Variants in SYCP2 observed in about 807,000 individuals in gnomAD.
SYCP2 encodes the protein synaptonemal complex protein 2.
In SYCP2, 55 loss-of-function variants were observed where a neutral mutation model predicts 211.3. The observed-to-expected ratio is 0.26, with a 90% CI of 0.21 to 0.33. The LOEUF (loss-of-function observed/expected upper bound fraction) is 0.33. Among genes scored for constraint, SYCP2 ranks in the 10% least tolerant of loss-of-function variants. The probability of loss-of-function intolerance (pLI) is 1.00; values close to 1 mark genes in which losing one functional copy is unlikely to be tolerated. For synonymous variants in SYCP2, 570 were observed against 555.2 expected, an observed-to-expected ratio of 1.03 and a Z score of -0.37; for missense variants, 1,731 against 1,752.0, an observed-to-expected ratio of 0.99 and a Z score of 0.21.
intron 32 of SYCP2, among the ~76,000 whole-genome samples, 165 bp downstream of exon 32, chr20:59,877,843 C>G (rs1374744363): frequency 6.6e-6 from 1 of 151,116 alleles, no homozygotes; most frequent in African/African-American, 2.4e-5. Context: ...GAGTCAAAGG[C>G]CAGTATGATT....
At chr20:59,876,411 A>AAAG (rs71183188) in intron 33 of SYCP2, among the ~76,000 whole-genome samples, 2 of 139,586 alleles carry the variant, frequency 1.4e-5, no homozygotes, top group Non-Finnish European at 3.1e-5. Context: ...AAAAAAAAAA[A>AAAG]GAAGAAGTGA....
At chr20:59,879,826 T>TATATAA (rs2059635203) in intron 31 of SYCP2, among the ~76,000 whole-genome samples, 1 of 5,548 alleles carries the variant, frequency 1.8e-4, no homozygotes, top group South Asian at 7.6e-3. Context: ...TAAATAAATA[T>TATATAA]ATATATATAT....
chr20:59,905,689 T>C (rs1191215666), intron 15 of SYCP2, among the ~76,000 whole-genome samples: 2 of 152,150 alleles, frequency 1.3e-5, no homozygotes, highest in South Asian at 2.1e-4. Context: ...TTCATGTGCA[T>C]AGACAAATAT....
At chr20:59,884,256 T>A (rs2059742857) in intron 26 of SYCP2, among the ~76,000 whole-genome samples, 1 of 152,044 alleles carries the variant, frequency 6.6e-6, no homozygotes, top group African/African-American at 2.4e-5. Context: ...CTAAGGTTTA[T>A]GTAAAATCTC....
At chr20:59,872,609 A>G (rs186383644) in intron 35 of SYCP2, among the ~76,000 whole-genome samples, 21 of 151,940 alleles carry the variant, frequency 1.4e-4, no homozygotes, top group East Asian at 1.4e-3. Flanking sequence ...ATTCAGTGCT[A>G]TCCTCCATTT....
chr20:59,866,009 G>A (rs1327743573), intron 41 of SYCP2, 144 bp from the exon 42 acceptor site: 1 of 465,032 alleles, frequency 2.2e-6, no homozygotes, highest in South Asian at 5.6e-5. Flanking sequence ...TAAACAGTAT[G>A]GCTATATGTT....
chr20:59,879,603 T>C (rs2059627001), intron 31 of SYCP2, among the ~76,000 whole-genome samples: 3 of 151,384 alleles, frequency 2.0e-5, no homozygotes, highest in Non-Finnish European at 4.4e-5. Context: ...CCAAAACTTA[T>C]ACCTGAAACT....
chr20:59,895,188 G>A (rs916190183), intron 20 of SYCP2, among the ~76,000 whole-genome samples: 1 of 151,960 alleles, frequency 6.6e-6, no homozygotes, highest in Non-Finnish European at 1.5e-5. Context: ...ATTATGGCAG[G>A]TTCATTTATG....
chr20:59,882,841 A>G (rs1015350114), intron 26 of SYCP2, among the ~76,000 whole-genome samples: 3 of 152,132 alleles, frequency 2.0e-5, no homozygotes, highest in Non-Finnish European at 4.4e-5. Flanking sequence ...AGTGAAATGT[A>G]CACTTAAAAA....
intron 13 of SYCP2, 169 bp from the exon 14 acceptor site, chr20:59,912,014 G>C: frequency 2.3e-6 from 1 of 440,158 alleles, no homozygotes; most frequent in Non-Finnish European, 4.0e-6. Context: ...CAAATGAAAT[G>C]CTACTTTAAT....
At chr20:59,929,255 C>T (rs1336637147) in intron 2 of SYCP2, among the ~76,000 whole-genome samples, 3 of 152,128 alleles carry the variant, frequency 2.0e-5, no homozygotes, top group Middle Eastern at 3.4e-3. Flanking sequence ...ACTGATACTA[C>T]GAAGTCACAG....
chr20:59,919,374 C>G, intron 6 of SYCP2, 119 bp downstream of exon 6: 1 of 784,914 alleles, frequency 1.3e-6, no homozygotes, highest in Non-Finnish European at 2.1e-6. Flanking sequence ...ACAGACCAAT[C>G]CAACCAAGTC....
chr20:59,909,909 G>C lies in SYCP2; in HGVS notation c.972+1841C>G, dbSNP rs963842399. Among the ~76,000 whole-genome samples, 10 of 152,324 alleles carry C rather than the reference G, an allele frequency of 6.6e-5. No individual in the cohort carries two copies. The East Asian group carries it at 1.9e-3, about 29-fold the overall frequency. On this transcript the variant is annotated intron_variant, in intron 14 of 44. Coordinates refer to ENST00000357552, the MANE Select transcript of SYCP2 (RefSeq NM_014258.4). Reference sequence around the variant, plus strand: ...TGAGTAACCTGAGAATACTCTATGAGAAGGCAACATTTGTGCTTAAATCTA... The same window carrying C: ...TGAGTAACCTGAGAATACTCTATGACAAGGCAACATTTGTGCTTAAATCTA...
At chr20:59,924,565 C>T (rs997105314) in intron 2 of SYCP2, among the ~76,000 whole-genome samples, 5 of 151,938 alleles carry the variant, frequency 3.3e-5, no homozygotes, top group African/African-American at 1.2e-4. Flanking sequence ...TGTATCAAAA[C>T]ATCTTACATA....
intron 35 of SYCP2, among the ~76,000 whole-genome samples, chr20:59,871,846 A>C (rs149003349): frequency 1.5e-4 from 23 of 152,166 alleles, no homozygotes; most frequent in African/African-American, 5.5e-4. Context: ...GTACATGTTC[A>C]ATACAGACAC....
intron 35 of SYCP2, among the ~76,000 whole-genome samples, chr20:59,873,571 G>C (rs533164012): frequency 6.6e-6 from 1 of 152,154 alleles, no homozygotes; most frequent in Non-Finnish European, 1.5e-5. Context: ...GTTGACTGTA[G>C]GTAACTGAAA....
intron 14 of SYCP2, 59 bp downstream of exon 14, chr20:59,911,691 A>T (rs1426800575): frequency 1.4e-6 from 1 of 695,710 alleles, no homozygotes; most frequent in Admixed American, 3.2e-5. Flanking sequence ...TTCTTAAAGT[A>T]AGTAAAAATC....
intron 36 of SYCP2, among the ~76,000 whole-genome samples, chr20:59,869,431 T>C (rs945784279): frequency 1.3e-5 from 2 of 151,736 alleles, no homozygotes; most frequent in African/African-American, 4.8e-5. Context: ...TTTCTATATT[T>C]TACAGGTTAC....
At chr20:59,886,337 T>G (rs1032184382) in intron 25 of SYCP2, among the ~76,000 whole-genome samples, 1 of 152,080 alleles carries the variant, frequency 6.6e-6, no homozygotes, top group Non-Finnish European at 1.5e-5. Context: ...ATGTACTATT[T>G]ACTACAAAAA....
Sources: allele counts gnomAD v4.1 joint callset (sites outside exome capture counted in the v4.1 genomes callset), GRCh38; gene constraint gnomAD v4.1.1; transcripts MANE v1.5; gene names NCBI Gene and HGNC (gene_info 2026-07-23, HGNC 2026-07-21).